The following HTR1F variants were observed in gnomAD, a reference collection of about 807,000 sequenced individuals.
HTR1F encodes the protein 5-hydroxytryptamine (serotonin) receptor 1F, G protein-coupled.
A neutral mutation model predicts 24.0 loss-of-function variants in HTR1F; 17 were observed. The ratio of observed to expected loss-of-function variants is 0.71; its 90% confidence interval spans 0.48 to 1.06. The LOEUF (loss-of-function observed/expected upper bound fraction) is 1.06, where lower values mean the gene tolerates loss of function less well. HTR1F is among the 50% of genes least tolerant of loss of function. HTR1F has a pLI of 0.00. For missense variants in HTR1F, 391 were observed against 427.8 expected, an observed-to-expected ratio of 0.91 and a Z score of 0.76; for synonymous variants, 186 against 156.8, an observed-to-expected ratio of 1.19 and a Z score of -1.39.
At chr3:87,846,120 C>A (rs1704935873) in intron 2 of HTR1F, among the ~76,000 whole-genome samples, 2 of 151,836 alleles carry the variant, frequency 1.3e-5, no homozygotes, top group Admixed American at 6.6e-5. Flanking sequence ...TAAAAAAACA[C>A]ATAGTTATAT....
chr3:87,842,579 G>GA lies in HTR1F; in HGVS notation c.-43+20462dup, dbSNP rs772351447. ...AGTTTCAATAAAATAATTTCCTGGGGAAAAAAACCGTCTTAAATAATGACA... is the reference window on the plus strand; with the variant it reads ...AGTTTCAATAAAATAATTTCCTGGGGAAAAAAAACCGTCTTAAATAATGACA... On this transcript the variant is annotated intron_variant, in intron 2 of 2. Coordinates refer to ENST00000319595, the MANE Select transcript of HTR1F (RefSeq NM_001322209.2). Among the ~76,000 whole-genome samples, 109 of 151,662 alleles carry GA rather than the reference G, an allele frequency of 7.2e-4. 1 individual carries two copies. The highest frequency in any genetic ancestry group is 1.7e-3 in the East Asian group (9 of 5,182).
intron 2 of HTR1F, among the ~76,000 whole-genome samples, chr3:87,920,429 T>A (rs1576031342): frequency 6.6e-6 from 1 of 152,074 alleles, no homozygotes; most frequent in East Asian, 1.9e-4. Context: ...TCTCTGAAGA[T>A]AAGCTACTGC....
intron 2 of HTR1F, among the ~76,000 whole-genome samples, chr3:87,931,402 T>G (rs1295949879): frequency 1.3e-5 from 2 of 152,240 alleles, no homozygotes. Flanking sequence ...GGCTGCATAG[T>G]ATTCCATGGT....
chr3:87,938,986 GT>G (rs1345366532), intron 2 of HTR1F, among the ~76,000 whole-genome samples: 1 of 152,128 alleles, frequency 6.6e-6, no homozygotes, highest in Non-Finnish European at 1.5e-5. Context: ...TATCAACAGA[GT>G]AAGCAAATAA....
intron 2 of HTR1F, among the ~76,000 whole-genome samples, chr3:87,834,042 A>C (rs929490777): frequency 6.6e-6 from 1 of 152,228 alleles, no homozygotes; most frequent in Non-Finnish European, 1.5e-5. Context: ...ACATGGCAAG[A>C]AACTACTTAA....
At chr3:87,917,361 G>A (rs1171841314) in intron 2 of HTR1F, among the ~76,000 whole-genome samples, 38 of 144,148 alleles carry the variant, frequency 2.6e-4, no homozygotes, top group Non-Finnish European at 5.0e-4. Context: ...ACCAAGATCA[G>A]AGCAGAACTA....
chr3:87,854,919 TTTG>T (rs138657840), intron 2 of HTR1F, among the ~76,000 whole-genome samples: 7 of 152,082 alleles, frequency 4.6e-5, no homozygotes, highest in African/African-American at 1.4e-4. Context: ...TTAAATATTT[TTTG>T]TTGTTGTTGT....
At chr3:87,937,935 A>T (rs543704216) in intron 2 of HTR1F, among the ~76,000 whole-genome samples, 1 of 151,870 alleles carries the variant, frequency 6.6e-6, no homozygotes, top group East Asian at 1.9e-4. Context: ...AAAGAAAAAA[A>T]AAAAAAAAGA....
chr3:87,933,935 C>A (rs957574817), intron 2 of HTR1F, among the ~76,000 whole-genome samples: 9 of 152,196 alleles, frequency 5.9e-5, no homozygotes, highest in Non-Finnish European at 1.0e-4. Context: ...CTGGGATCAG[C>A]CTATACATGT....
At chr3:87,901,305 T>G (rs1706315278) in intron 2 of HTR1F, among the ~76,000 whole-genome samples, 1 of 152,070 alleles carries the variant, frequency 6.6e-6, no homozygotes, top group African/African-American at 2.4e-5. Context: ...CTCATGAGAT[T>G]GGGCCTCAAA....
chr3:87,883,254 A>G (rs548076540), intron 2 of HTR1F, among the ~76,000 whole-genome samples: 1 of 152,334 alleles, frequency 6.6e-6, no homozygotes, highest in Non-Finnish European at 1.5e-5. Flanking sequence ...GAAAACTAAC[A>G]AACAGAAAGG....
intron 1 of HTR1F, among the ~76,000 whole-genome samples, chr3:87,817,514 T>C (rs1020152215): frequency 6.6e-5 from 10 of 152,184 alleles, no homozygotes; most frequent in South Asian, 2.1e-4. Flanking sequence ...CATAGAATGG[T>C]ATGCATTTTA....
chr3:87,945,688 G>A (rs1406046744), intron 2 of HTR1F, among the ~76,000 whole-genome samples: 1 of 152,118 alleles, frequency 6.6e-6, no homozygotes, highest in Non-Finnish European at 1.5e-5. Context: ...AAGCCCTTAA[G>A]ACTCACACCT....
At chr3:87,809,294 A>G (rs1401165809) in intron 1 of HTR1F, among the ~76,000 whole-genome samples, 1 of 151,950 alleles carries the variant, frequency 6.6e-6, no homozygotes. Flanking sequence ...GTCCATTTGA[A>G]TTATTATAAA....
chr3:87,969,132 C>T lies in HTR1F; in HGVS notation c.-42-21576C>T, dbSNP rs185618205. 2.1e-3 allele frequency among the ~76,000 whole-genome samples: 319 copies of T among 152,336 alleles called. 1 individual carries two copies. The highest frequency in any genetic ancestry group is 2.9e-3 in the Non-Finnish European group (199 of 68,024). ...AGAAGTTTGCTGCAGGAATGAAGCC[C>T]TCATGAAGAACCTCTGCTAGGGCAG... On this transcript the variant is annotated intron_variant, in intron 2 of 2. Transcript: ENST00000319595.
rs554281940 is a variant in HTR1F, at chr3:87,858,129, T to C, written c.-43+36005T>C. ...CAGGCCCTGGTCTAATTATTTTCAG[T>C]AAATCTTAAGTGATTTGTTGTAGAC... On this transcript the variant is annotated intron_variant, in intron 2 of 2. Coordinates refer to ENST00000319595, the MANE Select transcript of HTR1F (RefSeq NM_001322209.2). Among the ~76,000 whole-genome samples, 3 of 152,330 alleles carry C rather than the reference T, an allele frequency of 2.0e-5. No individual in the cohort carries two copies. In the East Asian group the frequency reaches 5.8e-4, roughly 29 times the overall value.
rs867287323 is a variant in HTR1F at position 87,987,750 on chromosome 3, T to C, written c.-42-2958T>C. On this transcript the variant is annotated intron_variant, in intron 2 of 2. Coordinates refer to ENST00000319595, the MANE Select transcript of HTR1F (RefSeq NM_001322209.2). ...ATATGTATTTTATATATATAAAATA[T>C]ATGTATTATATATATGTATTTTATA... is the stretch of plus-strand genomic sequence containing the variant. 1.8e-3 allele frequency among the ~76,000 whole-genome samples: 245 copies of C among 138,096 alleles called. 5 individuals carry two copies. In the South Asian group the frequency reaches 0.021, roughly 12 times the overall value. 90.6% of individuals were successfully genotyped at this position (138,096 alleles called of 152,430 possible).
intron 2 of HTR1F, among the ~76,000 whole-genome samples, chr3:87,972,532 T>TCTAGACAA (rs1705306752): frequency 6.6e-6 from 1 of 152,198 alleles, no homozygotes; most frequent in Non-Finnish European, 1.5e-5. Flanking sequence ...AGATCTGCCT[T>TCTAGACAA]CTAGACAACT....
At chr3:87,969,497 C>A (rs748599420) in intron 2 of HTR1F, among the ~76,000 whole-genome samples, 1 of 152,136 alleles carries the variant, frequency 6.6e-6, no homozygotes, top group Non-Finnish European at 1.5e-5. Flanking sequence ...TGGACTTTCA[C>A]GGGGCCTGTA....
Sources: gnomAD v4.1 joint callset for allele counts (sites outside exome capture counted in the v4.1 genomes callset) on GRCh38, gnomAD v4.1.1 for gene constraint, MANE v1.5 for transcripts, NCBI Gene and HGNC (gene_info 2026-07-23, HGNC 2026-07-21) for gene names.